C21orf91: variants seen among roughly 807,000 people sequenced by gnomAD.
The protein encoded by C21orf91 is chromosome 21 open reading frame 91, also known as protein EURL homolog.
A neutral mutation model predicts 32.9 loss-of-function variants in C21orf91; 26 were observed. The observed-to-expected ratio is 0.79, with a 90% CI of 0.58 to 1.10. The LOEUF (loss-of-function observed/expected upper bound fraction) is 1.10, where lower values mean the gene tolerates loss of function less well. Ranked by LOEUF, C21orf91 falls within the 50% of genes least tolerant of loss-of-function variation. The pLI is 0.00. For synonymous variants in C21orf91, 126 were observed against 120.4 expected (o/e 1.05, Z -0.31); for missense variants, 310 against 341.3 (o/e 0.91, Z 0.72).
chr21:17,793,912 T>C (rs1374308127), intron 4 of C21orf91, among the ~76,000 whole-genome samples: 3 of 152,242 alleles, frequency 2.0e-5, no homozygotes, highest in South Asian at 2.1e-4. Context: ...ATGTGATTTA[T>C]GGACAAGAAG....
chr21:17,806,267 G>A (rs571355586), intron 2 of C21orf91, among the ~76,000 whole-genome samples: 1 of 152,164 alleles, frequency 6.6e-6, no homozygotes, highest in African/African-American at 2.4e-5. Context: ...GGTGATCGCT[G>A]GTGAGAGCAA....
In C21orf91 at chr21:17,796,901, G is replaced by C. The variant is rs2824495; in HGVS notation, c.345C>G (p.Asn115Lys). 0.21 allele frequency: 345,786 copies of C among 1,612,780 alleles called. 38,576 individuals carry two copies. The highest frequency in any genetic ancestry group is 0.39 in the East Asian group (17,472 of 44,858). Residue 115 changes from asparagine (N) to lysine (K), a missense_variant, in exon 3 of 5, where the codon AAC becomes AAG. By Grantham distance (94) the Asn-to-Lys change is moderately conservative (BLOSUM62 0). Transcript: ENST00000284881. ...TGAAATTAAACAGATGATGCTGGGG[G>C]TTTTTAGAACATTCAGAATCTGAAT... ...DLDSDSECSK[N>K]PQHHLFNFRH...
chr21:17,811,459 C>T (rs1249496598), intron 2 of C21orf91: 1 of 152,258 alleles, frequency 6.6e-6, no homozygotes, highest in East Asian at 1.9e-4. Context: ...ATAAATCTAT[C>T]TTTGTCTTCT....
chr21:17,815,901 C>G (rs1030923300), intron 2 of C21orf91, among the ~76,000 whole-genome samples: 1 of 152,196 alleles, frequency 6.6e-6, no homozygotes, highest in Admixed American at 6.5e-5. Context: ...CTCAGGTGAT[C>G]CGCCTGCCTT....
At position 17,793,328 on chromosome 21, in the gene C21orf91, G is replaced by A. The variant is rs935640676; in HGVS notation, c.*87C>T. ...GCAAATTTAATGACCATAAAAAAAC[G>A]GACCACAACTTTCTTCAAACTTCTT... is the stretch of plus-strand genomic sequence containing the variant. On this transcript the variant is annotated 3_prime_UTR_variant, in exon 5 of 5. Coordinates refer to ENST00000284881, the MANE Select transcript of C21orf91 (RefSeq NM_001100420.2). The A allele has an allele frequency of 7.8e-6, 8 of 1,019,936 alleles. No homozygotes were observed. Among genetic ancestry groups the A allele is most frequent in the Admixed American group, 3.0e-5 (1 of 33,290 alleles). The allele number at this position is 1,019,936 out of a possible 1,614,324, so 63.2% of individuals were successfully genotyped here. A position where few individuals can be genotyped will look rare whatever the true frequency, so the allele number is the denominator to read the frequency against.
At position 17,793,304 on chromosome 21, in the gene C21orf91, C is replaced by T; in HGVS notation, c.*111G>A. 1.4e-6 allele frequency: 1 copy of T among 727,782 alleles called. No individual in the cohort carries two copies. The allele number at this position is 727,782 out of a possible 1,614,324, so 45.1% of individuals were successfully genotyped here. ...ATGTTAAATACTGCCTTATGTTTGG[C>T]AAATTTAATGACCATAAAAAAACGG... On this transcript the variant is annotated 3_prime_UTR_variant, in exon 5 of 5. Transcript: ENST00000284881.
At chr21:17,798,089 A>G (rs904688892) in intron 2 of C21orf91, among the ~76,000 whole-genome samples, 1 of 152,274 alleles carries the variant, frequency 6.6e-6, no homozygotes, top group Admixed American at 6.5e-5. Flanking sequence ...GTCTGCCAGA[A>G]TTAACCAGTT....
chr21:17,797,447 G>A lies in C21orf91; in HGVS notation c.128-329C>T, dbSNP rs1307648988. 2.6e-5 allele frequency among the ~76,000 whole-genome samples: 4 copies of A among 151,472 alleles called. No individual in the cohort carries two copies. In the East Asian group the frequency reaches 7.7e-4, roughly 29 times the overall value. On this transcript the variant is annotated intron_variant, in intron 2 of 4. Transcript: ENST00000284881. ...ACAGATTCTTGGCCTTTACATTATA[G>A]TGCTTTCTTCATGAAACCTTCTGAA...
At chr21:17,818,432 T>A in intron 1 of C21orf91, 107 bp from the exon 2 acceptor site, 2 of 864,832 alleles carry the variant, frequency 2.3e-6, no homozygotes, top group Non-Finnish European at 3.6e-6. Context: ...TCAGCTCATT[T>A]AAAGCAAAAG....
rs1185804570 is a variant in C21orf91, at chr21:17,818,414, G to C, written c.-7-89C>G. On this transcript the variant is annotated intron_variant, in intron 1 of 4. Transcript: ENST00000284881. ...TTACTGGGAACTTCTAGGAAATAAG[G>C]ATGCTGTTCAGCTCATTTAAAGCAA... 2.8e-6 allele frequency: 3 copies of C among 1,074,764 alleles called. No homozygotes were observed. The African/African-American group carries it at 4.8e-5, about 17-fold the overall frequency. 66.6% of individuals were successfully genotyped at this position (1,074,764 alleles called of 1,614,324 possible).
rs577281797 is a variant in C21orf91 at position 17,790,381 on chromosome 21, TAAAG to T, written c.*3030_*3033del. On this transcript the variant is annotated 3_prime_UTR_variant, in exon 5 of 5. Coordinates refer to ENST00000284881, the MANE Select transcript of C21orf91 (RefSeq NM_001100420.2). ...TAAGGTAAAAAATATATAAACAACA[TAAAG>T]AAAACACAAAACCATTTTCAGTCAT... 5 of 151,940 alleles carry T rather than the reference TAAAG, an allele frequency of 3.3e-5. No individual in the cohort carries two copies. Among genetic ancestry groups the T allele is most frequent in the Non-Finnish European group, 7.4e-5 (5 of 67,868 alleles). The allele number at this position is 151,940 out of a possible 1,614,324, so 9.4% of individuals were successfully genotyped here.
intron 2 of C21orf91, among the ~76,000 whole-genome samples, chr21:17,805,070 C>T (rs2062585914): frequency 6.6e-6 from 1 of 152,186 alleles, no homozygotes; most frequent in African/African-American, 2.4e-5. Context: ...TGATGATGGA[C>T]AAGTTGTATG....
At chr21:17,800,058 C>T (rs995469058) in intron 2 of C21orf91, among the ~76,000 whole-genome samples, 2 of 152,048 alleles carry the variant, frequency 1.3e-5, no homozygotes, top group African/African-American at 4.8e-5. Flanking sequence ...ACAGAAATGG[C>T]ATTCCTGTGG....
chr21:17,802,778 C>T (rs2062570750), intron 2 of C21orf91, among the ~76,000 whole-genome samples: 1 of 152,204 alleles, frequency 6.6e-6, no homozygotes, highest in African/African-American at 2.4e-5. Flanking sequence ...TATGCTGATG[C>T]TGAATGCCTT....
chr21:17,793,472 TAACTTAG>T lies in C21orf91; in HGVS notation c.830_836del (p.Ser277TyrfsTer6). On this transcript the variant is annotated frameshift_variant, in exon 5 of 5. Transcript: ENST00000284881. LOFTEE classifies it high-confidence loss of function. ...CTGTTCGCCCTACTTGCAGACATGG[TAACTTAG>T]AACAGTTCTTCAGAAGCTGTTCGAT... The T allele has an allele frequency of 6.2e-7, 1 of 1,613,394 alleles. No individual in the cohort carries two copies. Among genetic ancestry groups the T allele is most frequent in the Non-Finnish European group, 8.5e-7 (1 of 1,179,592 alleles).
chr21:17,817,179 C>T (rs1488355201), intron 2 of C21orf91, among the ~76,000 whole-genome samples: 1 of 152,098 alleles, frequency 6.6e-6, no homozygotes, highest in African/African-American at 2.4e-5. Context: ...TATAGATATT[C>T]TATGTAATCC....
chr21:17,795,602 T>G (rs1028567979), intron 3 of C21orf91, among the ~76,000 whole-genome samples: 2 of 152,018 alleles, frequency 1.3e-5, no homozygotes, highest in African/African-American at 4.8e-5. Context: ...TCAGCCTCCC[T>G]AGGAGCTGGA....
At position 17,796,715 on chromosome 21, in the gene C21orf91, A is replaced by G. The variant is rs887766056; in HGVS notation, c.531T>C (p.Asp177=). Residue 177 remains aspartate (D), a synonymous_variant, in exon 3 of 5, where the codon GAT becomes GAC. Coordinates refer to ENST00000284881, the MANE Select transcript of C21orf91 (RefSeq NM_001100420.2). ...NTDFGLSMLQ[D]SGATLCRNSV... is the part of the protein sequence containing the mutation. Reference sequence around the variant, plus strand: ...TGTTACGACATAAAGTGGCACCTGAATCTTGTAACATAGAAAGTCCAAAGT... The same window carrying G: ...TGTTACGACATAAAGTGGCACCTGAGTCTTGTAACATAGAAAGTCCAAAGT... 3 of 1,614,144 alleles carry G rather than the reference A, an allele frequency of 1.9e-6. No homozygotes were observed. The South Asian group carries it at 3.3e-5, about 18-fold the overall frequency.
At chr21:17,797,203 C>A in intron 2 of C21orf91, 85 bp from the exon 3 acceptor site, 1 of 826,890 alleles carries the variant, frequency 1.2e-6, no homozygotes, top group South Asian at 1.8e-5. Flanking sequence ...TTAGTAAAAT[C>A]AGAGTCCCTG....
Sources: allele counts gnomAD v4.1 joint callset (sites outside exome capture counted in the v4.1 genomes callset), GRCh38; gene constraint gnomAD v4.1.1; transcripts MANE v1.5; gene names NCBI Gene and HGNC (gene_info 2026-07-23, HGNC 2026-07-21).